Variants in SNX29 observed in about 807,000 individuals in gnomAD.
SNX29 encodes the protein sorting nexin 29.
SNX29 carries 78 observed loss-of-function variants against 102.1 expected under a neutral mutation model. The observed-to-expected ratio is 0.76, with a 90% CI of 0.64 to 0.92. The LOEUF (loss-of-function observed/expected upper bound fraction) is 0.92, where lower values mean the gene tolerates loss of function less well. SNX29 is among the 40% of genes least tolerant of loss of function. The pLI, the probability that SNX29 is intolerant of heterozygous loss-of-function variation, is 0.00. For missense variants in SNX29, 1,280 were observed against 1,061.7 expected (o/e 1.21, Z -2.86); for synonymous variants, 580 against 414.5 (o/e 1.40, Z -4.85).
At chr16:12,443,271 C>T (rs904388578) in intron 18 of SNX29, 46 of 241,522 alleles carry the variant, frequency 1.9e-4, no homozygotes, top group African/African-American at 8.6e-4. Flanking sequence ...CTAGAGGGGC[C>T]CACGCTGTTC....
In SNX29 at chr16:12,284,617, C is replaced by T. The variant is rs562127227; in HGVS notation, c.1782+6581C>T. Among the ~76,000 whole-genome samples, 3 of 152,166 alleles carry T rather than the reference C, an allele frequency of 2.0e-5. No individual in the cohort carries two copies. In the South Asian group the frequency reaches 6.2e-4, roughly 32 times the overall value. Reference sequence around the variant, plus strand: ...GCTTGGGAGGCCGTTTATTCAATAGCAATTAACAGTAAGCATTTATTCAAT... The same window carrying T: ...GCTTGGGAGGCCGTTTATTCAATAGTAATTAACAGTAAGCATTTATTCAAT... On this transcript the variant is annotated intron_variant, in intron 15 of 20. Coordinates refer to ENST00000566228, the MANE Select transcript of SNX29 (RefSeq NM_032167.5).
intron 14 of SNX29, among the ~76,000 whole-genome samples, chr16:12,257,195 A>G (rs1047387823): frequency 2.6e-5 from 4 of 152,190 alleles, no homozygotes; most frequent in African/African-American, 9.6e-5. Context: ...GGAGGCCCCC[A>G]GAACCCAGAA....
chr16:12,118,700 C>T (rs1276951042), intron 11 of SNX29, among the ~76,000 whole-genome samples: 1 of 152,168 alleles, frequency 6.6e-6, no homozygotes. Flanking sequence ...TCGACCCTCA[C>T]CTGAGTTACT....
chr16:12,538,661 C>G (rs531799983), intron 20 of SNX29, among the ~76,000 whole-genome samples: 4 of 152,220 alleles, frequency 2.6e-5, no homozygotes, highest in South Asian at 4.1e-4. Context: ...ACAGAAAGAT[C>G]CACAGATCTT....
intron 11 of SNX29, among the ~76,000 whole-genome samples, chr16:12,095,633 CT>C (rs1392805960): frequency 3.9e-5 from 6 of 152,214 alleles, no homozygotes; most frequent in Non-Finnish European, 8.8e-5. Context: ...AACATTTCCC[CT>C]GTGTCATTGC....
intron 18 of SNX29, among the ~76,000 whole-genome samples, chr16:12,441,595 T>C (rs905240067): frequency 6.6e-6 from 1 of 152,216 alleles, no homozygotes; most frequent in African/African-American, 2.4e-5. Context: ...ATTTTGATAG[T>C]GTCCTTTGAA....
intron 14 of SNX29, among the ~76,000 whole-genome samples, chr16:12,201,937 C>A (rs376890949): frequency 3.3e-5 from 5 of 152,122 alleles, no homozygotes; most frequent in Admixed American, 2.0e-4. Flanking sequence ...CCAAATGGGC[C>A]TATGGAACCT....
At chr16:12,001,792 A>C (rs1211170258) in intron 2 of SNX29, among the ~76,000 whole-genome samples, 1 of 152,178 alleles carries the variant, frequency 6.6e-6, no homozygotes, top group Non-Finnish European at 1.5e-5. Context: ...TTGGGGCAGG[A>C]GGATATCTTG....
chr16:12,428,930 T>C (rs1340932446), intron 18 of SNX29, among the ~76,000 whole-genome samples: 1 of 152,214 alleles, frequency 6.6e-6, no homozygotes, highest in Non-Finnish European at 1.5e-5. Context: ...ACAGATACGA[T>C]TGCAACTAAT....
At chr16:11,993,728 A>G (rs548098113) in intron 1 of SNX29, among the ~76,000 whole-genome samples, 5 of 152,284 alleles carry the variant, frequency 3.3e-5, no homozygotes, top group African/African-American at 4.8e-5. Flanking sequence ...TGTAGCTTGA[A>G]TGGTGACCCC....
At chr16:12,094,549 A>C (rs528025782) in intron 11 of SNX29, among the ~76,000 whole-genome samples, 1 of 152,088 alleles carries the variant, frequency 6.6e-6, no homozygotes, top group African/African-American at 2.4e-5. Context: ...TACTCTTTCT[A>C]TGAGGCCTGA....
At chr16:12,438,212 C>G (rs963659044) in intron 18 of SNX29, among the ~76,000 whole-genome samples, 1 of 152,182 alleles carries the variant, frequency 6.6e-6, no homozygotes, top group East Asian at 1.9e-4. Flanking sequence ...GACTTGAAGG[C>G]AGCCACCAGT....
At chr16:12,473,289 G>C (rs2087443962) in intron 18 of SNX29, among the ~76,000 whole-genome samples, 1 of 152,058 alleles carries the variant, frequency 6.6e-6, no homozygotes, top group South Asian at 2.1e-4. Context: ...GTAATTTTGA[G>C]TAATTTTGAG....
At chr16:12,168,145 T>G (rs568095318) in intron 13 of SNX29, among the ~76,000 whole-genome samples, 76 of 152,270 alleles carry the variant, frequency 5.0e-4, no homozygotes, top group African/African-American at 1.8e-3. Flanking sequence ...AGAGAATTGC[T>G]CTGAAGGAAA....
chr16:12,321,986 A>G (rs1260692101), intron 15 of SNX29, among the ~76,000 whole-genome samples: 1 of 152,122 alleles, frequency 6.6e-6, no homozygotes, highest in African/African-American at 2.4e-5. Context: ...GGTTCACGTG[A>G]TGGTGAAGTC....
At chr16:12,170,949 G>C (rs1255045852) in intron 13 of SNX29, among the ~76,000 whole-genome samples, 2 of 152,018 alleles carry the variant, frequency 1.3e-5, no homozygotes, top group African/African-American at 2.4e-5. Flanking sequence ...TGACGACCTG[G>C]AGCCCAGGAG....
intron 3 of SNX29, among the ~76,000 whole-genome samples, chr16:12,011,248 G>A (rs372336875): frequency 2.1e-4 from 31 of 145,456 alleles, no homozygotes; most frequent in African/African-American, 6.4e-4. Context: ...CCTCCAGGAC[G>A]TTTAACAAAT....
intron 3 of SNX29, among the ~76,000 whole-genome samples, chr16:12,025,466 G>A (rs1415658640): frequency 6.6e-6 from 1 of 152,144 alleles, no homozygotes; most frequent in East Asian, 1.9e-4. Flanking sequence ...CCTACCCACT[G>A]GAAAAAGATT....
chr16:12,259,002 A>G (rs2078655605), intron 14 of SNX29, among the ~76,000 whole-genome samples: 1 of 152,132 alleles, frequency 6.6e-6, no homozygotes, highest in African/African-American at 2.4e-5. Flanking sequence ...CAGCAGACAG[A>G]GAGCTGGATT....
Sources: allele counts gnomAD v4.1 joint callset (sites outside exome capture counted in the v4.1 genomes callset), GRCh38; gene constraint gnomAD v4.1.1; transcripts MANE v1.5; gene names NCBI Gene and HGNC (gene_info 2026-07-23, HGNC 2026-07-21).